Variants in C1orf141 observed in about 807,000 individuals in gnomAD.
C1orf141 encodes the protein chromosome 1 open reading frame 141, also known as uncharacterized protein C1orf141.
A neutral mutation model predicts 23.2 loss-of-function variants in C1orf141; 19 were observed. The ratio of observed to expected loss-of-function variants is 0.82; its 90% CI spans 0.57 to 1.20. The LOEUF (loss-of-function observed/expected upper bound fraction) is 1.20, where lower values mean the gene tolerates loss of function less well. Among genes scored for constraint, C1orf141 ranks in the 50% most tolerant of loss-of-function variants. The probability of loss-of-function intolerance (pLI) is 0.00; values close to 1 mark genes in which losing one functional copy is unlikely to be tolerated. For missense variants in C1orf141, 469 were observed against 455.1 expected (o/e 1.03, Z -0.28); for synonymous variants, 153 against 154.6 (o/e 0.99, Z 0.08).
chr1:67,135,618 G>C (rs1396045070), upstream of C1orf141, among the ~76,000 whole-genome samples: 1 of 152,076 alleles, frequency 6.6e-6, no homozygotes, highest in Non-Finnish European at 1.5e-5. Flanking sequence ...ACTTGTGTGA[G>C]CAGAAAATGC....
intron 5 of C1orf141, among the ~76,000 whole-genome samples, chr1:67,105,912 G>A (rs984026804): frequency 7.9e-5 from 12 of 152,144 alleles, no homozygotes; most frequent in African/African-American, 2.9e-4. Flanking sequence ...AGAGCTGCTG[G>A]AAAGTGAGAA....
At chr1:67,117,253 T>A (rs186748267) in intron 4 of C1orf141, among the ~76,000 whole-genome samples, 1 of 152,220 alleles carries the variant, frequency 6.6e-6, no homozygotes, top group African/African-American at 2.4e-5. Flanking sequence ...CGAAACCCCA[T>A]CTCTACTAAA....
chr1:67,131,984 C>T (rs964068347), intron 1 of C1orf141, among the ~76,000 whole-genome samples: 3 of 151,464 alleles, frequency 2.0e-5, no homozygotes, highest in Non-Finnish European at 4.4e-5. Flanking sequence ...GGGGTTTCAC[C>T]ATATTGGCCA....
At chr1:67,120,486 T>TC (rs1331054060) in intron 4 of C1orf141, among the ~76,000 whole-genome samples, 5 of 151,990 alleles carry the variant, frequency 3.3e-5, no homozygotes, top group African/African-American at 1.2e-4. Context: ...AATATTTGCA[T>TC]CCCCCCCTTC....
intron 5 of C1orf141, chr1:67,103,416 AAAC>A: frequency 7.8e-7 from 1 of 1,287,702 alleles, no homozygotes. Flanking sequence ...ATTATCTTAG[AAAC>A]TATTTCTTTC....
intron 3 of C1orf141, 107 bp downstream of exon 3, chr1:67,127,059 T>C (rs1004392269): frequency 7.9e-6 from 5 of 635,654 alleles, no homozygotes; most frequent in African/African-American, 1.9e-5. Flanking sequence ...TTTTACAAAT[T>C]AGTTTATATC....
intron 4 of C1orf141, among the ~76,000 whole-genome samples, chr1:67,118,758 C>T (rs1182085957): frequency 6.6e-6 from 1 of 152,200 alleles, no homozygotes; most frequent in Non-Finnish European, 1.5e-5. Context: ...AACTCCTTCT[C>T]TCCCTGTCTC....
At chr1:67,140,526 T>G (rs1340785132) in intron 1 of C1orf141, among the ~76,000 whole-genome samples, 2 of 152,210 alleles carry the variant, frequency 1.3e-5, no homozygotes, top group Non-Finnish European at 2.9e-5. Flanking sequence ...TTTCTTATCA[T>G]CTTGGCAAGC....
upstream of C1orf141, among the ~76,000 whole-genome samples, chr1:67,136,246 G>A (rs1451952090): frequency 6.6e-6 from 1 of 152,084 alleles, no homozygotes. Flanking sequence ...TCACTATGTT[G>A]CCCAGGCTAG....
intron 4 of C1orf141, among the ~76,000 whole-genome samples, chr1:67,117,900 T>G (rs923166420): frequency 3.3e-5 from 5 of 152,350 alleles, no homozygotes; most frequent in African/African-American, 9.6e-5. Flanking sequence ...TGAACTTCCA[T>G]AGAATATTGA....
upstream of C1orf141, among the ~76,000 whole-genome samples, chr1:67,135,905 G>GAAAAAAAAAAAAA (rs1646580821): frequency 4.9e-4 from 2 of 4,050 alleles, no homozygotes; most frequent in African/African-American, 1.1e-3. Flanking sequence ...TGGCAAAACT[G>GAAAAAAAAAAAAA]CAAAAAAAAA....
chr1:67,124,946 T>C (rs1233820373), intron 4 of C1orf141, among the ~76,000 whole-genome samples: 1 of 152,236 alleles, frequency 6.6e-6, no homozygotes, highest in Non-Finnish European at 1.5e-5. Context: ...AATTTGAAGT[T>C]CTACTGATTC....
chr1:67,109,075 C>T (rs1420867039), intron 5 of C1orf141, among the ~76,000 whole-genome samples: 7 of 152,028 alleles, frequency 4.6e-5, no homozygotes, highest in Non-Finnish European at 7.4e-5. Flanking sequence ...TGCCTGTAAT[C>T]CCAGCACTTT....
At chr1:67,124,652 G>A (rs376821050) in intron 4 of C1orf141, among the ~76,000 whole-genome samples, 1 of 152,126 alleles carries the variant, frequency 6.6e-6, no homozygotes, top group Admixed American at 6.6e-5. Flanking sequence ...GGGCTGCCTA[G>A]TGCATAGTGT....
intron 5 of C1orf141, among the ~76,000 whole-genome samples, chr1:67,101,270 G>A (rs1252302629): frequency 6.6e-6 from 1 of 152,008 alleles, no homozygotes. Context: ...AGCAATACGA[G>A]GAAGCCAGAG....
rs552037929 is a variant in C1orf141, at chr1:67,115,092, C to T, written c.346+260G>A. 1.3e-5 allele frequency among the ~76,000 whole-genome samples: 2 copies of T among 152,300 alleles called. 1 individual carries two copies. The highest frequency in any genetic ancestry group is 4.1e-4 in the South Asian group (2 of 4,824). ...CTCAGCATTGAGCTGAAAGGAAACT[C>T]AGAGATTTTCTTTCTAGAAGAAAAC... On this transcript the variant is annotated intron_variant, in intron 5 of 7. Coordinates refer to ENST00000684719, the MANE Select transcript of C1orf141 (RefSeq NM_001276351.2).
upstream of C1orf141, among the ~76,000 whole-genome samples, chr1:67,135,906 C>CAAAAAAAAA (rs59519661): frequency 2.9e-3 from 183 of 62,574 alleles, 16 homozygotes; most frequent in Non-Finnish European, 3.6e-3. Flanking sequence ...GGCAAAACTG[C>CAAAAAAAAA]AAAAAAAAAA....
At chr1:67,094,224 C>G (rs1345828659) in intron 7 of C1orf141, 1 of 152,162 alleles carries the variant, frequency 6.6e-6, no homozygotes, top group Non-Finnish European at 1.5e-5. Context: ...ATATCCAAGT[C>G]TGCTATGATT....
In C1orf141 at chr1:67,092,341, A is replaced by G. The variant is rs927965131; in HGVS notation, c.*664T>C. On this transcript the variant is annotated 3_prime_UTR_variant, in exon 8 of 8. Transcript: ENST00000684719. The stretch of plus-strand genomic sequence containing the variant: ...GAAACAGTAAAATAGCAATGTAATA[A>G]TATACCTTAAAATGTTTAATACCTT... 2.6e-5 allele frequency: 4 copies of G among 152,288 alleles called. No individual in the cohort carries two copies. The highest frequency in any genetic ancestry group is 9.6e-5 in the African/African-American group (4 of 41,464). The allele number at this position is 152,288 out of a possible 1,614,324, so 9.4% of individuals were successfully genotyped here.
Sources: allele counts gnomAD v4.1 joint callset (sites outside exome capture counted in the v4.1 genomes callset), GRCh38; gene constraint gnomAD v4.1.1; transcripts MANE v1.5; gene names NCBI Gene and HGNC (gene_info 2026-07-23, HGNC 2026-07-21).